Variants in MKNK2 observed in about 807,000 individuals in gnomAD.
The protein encoded by MKNK2 is MAP kinase-interacting serine/threonine-protein kinase 2.
MKNK2 carries 54 observed loss-of-function variants against 55.0 expected under a neutral mutation model. That is an observed-to-expected ratio of 0.98 (90% CI 0.79 to 1.23). The LOEUF (loss-of-function observed/expected upper bound fraction) is 1.23, where lower values mean the gene tolerates loss of function less well. Ranked by LOEUF, MKNK2 falls within the 50% of genes most tolerant of loss-of-function variation. The pLI, the probability that MKNK2 is intolerant of heterozygous loss-of-function variation, is 0.00. For synonymous variants in MKNK2, 323 were observed against 256.0 expected, an observed-to-expected ratio of 1.26 and a Z score of -2.50; for missense variants, 685 against 632.1, an observed-to-expected ratio of 1.08 and a Z score of -0.90.
Position 2,037,621 on chromosome 19 carries a change from A to C in MKNK2, c.*1992T>G, listed in dbSNP as rs1331552001. 5.0e-6 allele frequency: 4 copies of C among 797,866 alleles called. No individual in the cohort carries two copies. The highest frequency in any genetic ancestry group is 6.3e-5 in the East Asian group (2 of 31,724). The allele number at this position is 797,866 out of a possible 1,614,324, so 49.4% of individuals were successfully genotyped here. ...GGATGTTTTTCCCCCACTTTAAAAA[A>C]ACTTTTGAGGTTTTTTTTTTTTTTT... On this transcript the variant is annotated 3_prime_UTR_variant, in exon 14 of 14. Transcript: ENST00000250896.
Position 2,050,927 on chromosome 19 carries a change from G to C in MKNK2, c.-76C>G, listed in dbSNP as rs1260479927. The stretch of plus-strand genomic sequence containing the variant: ...GGCCCGAGGGCGGGCGGCCGGGCGG[G>C]GGGCGGCCGAGGAGGGGACCCTGCG... On this transcript the variant is annotated 5_prime_UTR_variant, in exon 2 of 14. Transcript: ENST00000250896. 7 of 1,103,686 alleles carry C rather than the reference G, an allele frequency of 6.3e-6. 1 individual carries two copies. Among genetic ancestry groups the C allele is most frequent in the African/African-American group, 1.7e-5 (1 of 60,244 alleles). The allele number at this position is 1,103,686 out of a possible 1,614,324, so 68.4% of individuals were successfully genotyped here.
chr19:2,042,910 A>G, intron 7 of MKNK2, 40 bp from the exon 8 acceptor site: 1 of 1,534,394 alleles, frequency 6.5e-7, no homozygotes, highest in Admixed American at 2.0e-5. Context: ...GGGAACACGC[A>G]GGTCACCTCA....
chr19:2,049,590 G>A (rs571179520), intron 2 of MKNK2, among the ~76,000 whole-genome samples: 5 of 152,232 alleles, frequency 3.3e-5, no homozygotes, highest in Admixed American at 6.5e-5. Context: ...GAGTCAGCAG[G>A]CCTTGGCAGG....
At chr19:2,040,829 TG>T in intron 12 of MKNK2, 1 of 587,144 alleles carries the variant, frequency 1.7e-6, no homozygotes, top group Non-Finnish European at 3.0e-6. Context: ...TAGCTGCTCC[TG>T]GGAGCCGCCT....
intron 8 of MKNK2, 27 bp from the exon 9 acceptor site, chr19:2,042,689 C>G (rs772382243): frequency 3.9e-6 from 6 of 1,556,680 alleles, no homozygotes; most frequent in Non-Finnish European, 5.2e-6. Context: ...AGAACCACGA[C>G]GGGGTGAGGG....
rs571058431 is a variant in MKNK2 at position 2,039,756 on chromosome 19, C to A, written c.1255G>T (p.Ala419Ser). ...ACCAGGACGGGCTGGCCCTGCCCCG[C>A]GGCCTCCTCCTCAGCCAGGTCCTCG... ...HDEDLAEEEA[A>S]GQGQPVLVRA... Residue 419 changes from alanine (A) to serine (S), a missense_variant, in exon 14 of 14, where the codon GCG becomes TCG. Ala to Ser is a moderately conservative substitution (Grantham distance 99). Coordinates refer to ENST00000250896, the MANE Select transcript of MKNK2 (RefSeq NM_199054.3). The A allele has an allele frequency of 7.9e-5, 127 of 1,609,376 alleles. No homozygotes were observed. The highest frequency in any genetic ancestry group is 3.8e-4 in the South Asian group (35 of 91,070).
At position 2,040,189 on chromosome 19, in the gene MKNK2, G is replaced by A; in HGVS notation, c.1111-12C>T. The A allele has an allele frequency of 6.4e-7, 1 of 1,571,182 alleles. No homozygotes were observed. The highest frequency in any genetic ancestry group is 8.6e-7 in the Non-Finnish European group (1 of 1,158,884). On this transcript the variant is annotated splice_polypyrimidine_tract_variant and intron_variant, in intron 12 of 13. Coordinates refer to ENST00000250896, the MANE Select transcript of MKNK2 (RefSeq NM_199054.3). ...TTCTCCGGGGCGCACTGCAACGAGA[G>A]TGGGCGGGGGCAGGGCTGGAGAGCA... is the stretch of plus-strand genomic sequence containing the variant.
intron 5 of MKNK2, 32 bp from the exon 6 acceptor site, chr19:2,043,614 T>C (rs2145688755): frequency 1.9e-6 from 3 of 1,603,756 alleles, no homozygotes; most frequent in African/African-American, 2.7e-5. Context: ...AGCACCTGGG[T>C]TGGTGGGACG....
Position 2,046,739 on chromosome 19 carries a change from C to A in MKNK2, c.52-48G>T, listed in dbSNP as rs778263475. 8 of 1,395,378 alleles carry A rather than the reference C, an allele frequency of 5.7e-6. No homozygotes were observed. In the African/African-American group the frequency reaches 5.8e-5, roughly 10 times the overall value. The allele number at this position is 1,395,378 out of a possible 1,614,324, so 86.4% of individuals were successfully genotyped here. ...GGCACTCAGGCCCCATCCCTGCCCA[C>A]GCAGCAGGGAGACCTATCCTGCCCC... On this transcript the variant is annotated intron_variant, in intron 2 of 13. Coordinates refer to ENST00000250896, the MANE Select transcript of MKNK2 (RefSeq NM_199054.3).
rs1384352468 is a variant in MKNK2, at chr19:2,046,587, C to G, written c.139+17G>C. 3 of 1,556,424 alleles carry G rather than the reference C, an allele frequency of 1.9e-6. No individual in the cohort carries two copies. The South Asian group carries it at 3.6e-5, about 18-fold the overall frequency. On this transcript the variant is annotated intron_variant, in intron 3 of 13. Transcript: ENST00000250896. The stretch of plus-strand genomic sequence containing the variant: ...ACAGCAGCTGCCCTGTGCCCTCCTC[C>G]CCCTCGGGCCCCTCACCAGGGCGGG...
At chr19:2,042,957 C>A in intron 7 of MKNK2, 87 bp from the exon 8 acceptor site, 1 of 1,417,808 alleles carries the variant, frequency 7.1e-7, no homozygotes. Flanking sequence ...TCCACTTTGG[C>A]GGGGACGCCC....
rs1018121103 is a variant in MKNK2, at chr19:2,038,330, C to T, written c.*1283G>A. The stretch of plus-strand genomic sequence containing the variant: ...TTAGAAGCCAGAGGGGCTGCCCCAG[C>T]TGTGGAGCTCGGGGGCTGCGCCGGG... On this transcript the variant is annotated 3_prime_UTR_variant, in exon 14 of 14. Coordinates refer to ENST00000250896, the MANE Select transcript of MKNK2 (RefSeq NM_199054.3). 2.0e-6 allele frequency: 2 copies of T among 986,554 alleles called. No homozygotes were observed. Among genetic ancestry groups the T allele is most frequent in the African/African-American group, 3.5e-5 (2 of 57,172 alleles). 61.1% of individuals were successfully genotyped at this position (986,554 alleles called of 1,614,324 possible).
In MKNK2 at chr19:2,039,377, G is replaced by C; in HGVS notation, c.*236C>G. 7.2e-7 allele frequency: 1 copy of C among 1,385,958 alleles called. No homozygotes were observed. Among genetic ancestry groups the C allele is most frequent in the Non-Finnish European group, 9.3e-7 (1 of 1,071,428 alleles). 85.9% of individuals were successfully genotyped at this position (1,385,958 alleles called of 1,614,324 possible). A position where few individuals can be genotyped will look rare whatever the true frequency, so the allele number is the denominator to read the frequency against. Reference sequence around the variant, plus strand: ...ACCTACCCTCTGCTCACCTTCCCGGGTGCCTGCAATGCTTTTAACCATCCA... The same window carrying C: ...ACCTACCCTCTGCTCACCTTCCCGGCTGCCTGCAATGCTTTTAACCATCCA... On this transcript the variant is annotated 3_prime_UTR_variant, in exon 14 of 14. Coordinates refer to ENST00000250896, the MANE Select transcript of MKNK2 (RefSeq NM_199054.3).
chr19:2,046,289 G>A lies in MKNK2; in HGVS notation c.242-6C>T, dbSNP rs748055561. 71 of 1,603,490 alleles carry A rather than the reference G, an allele frequency of 4.4e-5. No homozygotes were observed. Among genetic ancestry groups the A allele is most frequent in the South Asian group, 3.7e-4 (34 of 91,086 alleles). ...TTCCTGCAGCTGGTAGACGTCTGCC[G>A]GGCAGCGGGGCGGGCGTGAGAGGGA... On this transcript the variant is annotated splice_region_variant and splice_polypyrimidine_tract_variant and intron_variant, in intron 4 of 13. Transcript: ENST00000250896.
intron 5 of MKNK2, among the ~76,000 whole-genome samples, chr19:2,044,590 G>A (rs769873151): frequency 3.3e-5 from 5 of 152,256 alleles, no homozygotes; most frequent in Admixed American, 6.5e-5. Flanking sequence ...TGCCCAGTGC[G>A]ATGGCCTGGT....
chr19:2,039,352 A>C lies in MKNK2; in HGVS notation c.*261T>G. 1 of 1,361,434 alleles carries C rather than the reference A, an allele frequency of 7.3e-7. No individual in the cohort carries two copies. The highest frequency in any genetic ancestry group is 9.5e-7 in the Non-Finnish European group (1 of 1,056,694). The allele number at this position is 1,361,434 out of a possible 1,614,324, so 84.3% of individuals were successfully genotyped here. A position where few individuals can be genotyped will look rare whatever the true frequency, so the allele number is the denominator to read the frequency against. On this transcript the variant is annotated 3_prime_UTR_variant, in exon 14 of 14. Transcript: ENST00000250896. ...GACCGGGGAGGGGACAAGCCCACCC[A>C]CCTACCCTCTGCTCACCTTCCCGGG...
chr19:2,038,046 C>T lies in MKNK2; in HGVS notation c.*1567G>A, dbSNP rs1027195518. On this transcript the variant is annotated 3_prime_UTR_variant, in exon 14 of 14. Transcript: ENST00000250896. ...GGAATGCCCCACCCCCCCCAGGGGT[C>T]TTTGGAAGGGGCAGTCCACAGATAT... is the stretch of plus-strand genomic sequence containing the variant. 5.3e-5 allele frequency: 67 copies of T among 1,275,574 alleles called. 1 individual carries two copies. In the South Asian group the frequency reaches 1.2e-3, roughly 24 times the overall value. The allele number at this position is 1,275,574 out of a possible 1,614,324, so 79.0% of individuals were successfully genotyped here.
rs1312134757 is a variant in MKNK2, at chr19:2,038,190, G to A, written c.*1423C>T. The A allele has an allele frequency of 3.0e-6, 3 of 1,013,420 alleles. No individual in the cohort carries two copies. Among genetic ancestry groups the A allele is most frequent in the East Asian group, 9.0e-5 (1 of 11,078 alleles). 62.8% of individuals were successfully genotyped at this position (1,013,420 alleles called of 1,614,324 possible). ...CGGTCTCCGAGGCCCCCACCCCCAGGCCCCCCGACATTCAAGTATTCTTCA... is the reference window on the plus strand; with the variant it reads ...CGGTCTCCGAGGCCCCCACCCCCAGACCCCCCGACATTCAAGTATTCTTCA... On this transcript the variant is annotated 3_prime_UTR_variant, in exon 14 of 14. Coordinates refer to ENST00000250896, the MANE Select transcript of MKNK2 (RefSeq NM_199054.3).
intron 9 of MKNK2, 23 bp downstream of exon 9, chr19:2,042,583 GC>G: frequency 6.4e-7 from 1 of 1,569,430 alleles, no homozygotes; most frequent in Non-Finnish European, 8.6e-7. Flanking sequence ...CTCCCGCGGG[GC>G]CACCCTGCCG....
Sources: allele counts gnomAD v4.1 joint callset (sites outside exome capture counted in the v4.1 genomes callset), GRCh38; gene constraint gnomAD v4.1.1; transcripts MANE v1.5; gene names NCBI Gene and HGNC (gene_info 2026-07-23, HGNC 2026-07-21).